Variants in SLC10A7 observed in about 807,000 individuals in gnomAD.
SLC10A7 encodes solute carrier family 10 member 7, also known as sodium/bile acid cotransporter 7.
SLC10A7 carries 29 observed loss-of-function variants against 43.2 expected under a neutral mutation model. The ratio of observed to expected loss-of-function variants is 0.67; its 90% CI spans 0.50 to 0.92. The LOEUF is 0.92. Ranked by LOEUF, SLC10A7 falls within the 40% of genes least tolerant of loss-of-function variation. The pLI is 0.00. For synonymous variants in SLC10A7, 152 were observed against 144.8 expected (o/e 1.05, Z -0.35); for missense variants, 295 against 403.2 (o/e 0.73, Z 2.30).
intron 7 of SLC10A7, 112 bp from the exon 8 acceptor site, chr4:146,294,207 G>T: frequency 2.5e-6 from 2 of 815,686 alleles, no homozygotes; most frequent in Non-Finnish European, 3.6e-6. Flanking sequence ...GAATAATTTG[G>T]CTGATGGCCA....
intron 5 of SLC10A7, chr4:146,442,034 A>C (rs1730641536): frequency 1.0e-6 from 1 of 977,462 alleles, no homozygotes; most frequent in African/African-American, 1.8e-5. Context: ...GCCCCAAAAA[A>C]TACAATATGA....
intron 6 of SLC10A7, among the ~76,000 whole-genome samples, chr4:146,318,359 AT>A (rs1732469133): frequency 1.3e-5 from 2 of 152,050 alleles, no homozygotes; most frequent in African/African-American, 2.4e-5. Context: ...CCAATGGTCA[AT>A]TCTGAAACTT....
At chr4:146,392,454 T>A (rs890801097) in intron 5 of SLC10A7, among the ~76,000 whole-genome samples, 2 of 152,160 alleles carry the variant, frequency 1.3e-5, no homozygotes, top group Non-Finnish European at 2.9e-5. Context: ...TATGTGTGGG[T>A]CTATATATGT....
At chr4:146,342,180 A>T (rs1734311943) in intron 5 of SLC10A7, among the ~76,000 whole-genome samples, 1 of 151,762 alleles carries the variant, frequency 6.6e-6, no homozygotes. Context: ...TATTTCCTGG[A>T]GCTCTTTCCA....
chr4:146,499,164 A>G (rs994988885), intron 4 of SLC10A7, among the ~76,000 whole-genome samples: 1 of 152,228 alleles, frequency 6.6e-6, no homozygotes, highest in Non-Finnish European at 1.5e-5. Context: ...GAAAAAGGTG[A>G]TAACACAAAA....
chr4:146,373,575 A>C (rs2149781921), intron 5 of SLC10A7, among the ~76,000 whole-genome samples: 1 of 152,274 alleles, frequency 6.6e-6, no homozygotes, highest in East Asian at 1.9e-4. Flanking sequence ...GCACCATAGT[A>C]AAAGCTTAGA....
chr4:146,394,135 A>C (rs562560616), intron 5 of SLC10A7, among the ~76,000 whole-genome samples: 1 of 152,268 alleles, frequency 6.6e-6, no homozygotes, highest in African/African-American at 2.4e-5. Flanking sequence ...TTGATATGTA[A>C]GGCCAATATC....
intron 5 of SLC10A7, among the ~76,000 whole-genome samples, chr4:146,431,296 A>C (rs1436045654): frequency 6.6e-6 from 1 of 152,192 alleles, no homozygotes; most frequent in South Asian, 2.1e-4. Context: ...GGGCAAAAAA[A>C]CACAGTGGCG....
At chr4:146,261,603 C>T (rs570893322) in intron 10 of SLC10A7, among the ~76,000 whole-genome samples, 1 of 152,270 alleles carries the variant, frequency 6.6e-6, no homozygotes, top group East Asian at 1.9e-4. Context: ...ATTCCCTTTG[C>T]TTGAAAAAGA....
intron 5 of SLC10A7, among the ~76,000 whole-genome samples, chr4:146,427,256 G>A (rs1394771094): frequency 6.6e-6 from 1 of 152,120 alleles, no homozygotes; most frequent in Non-Finnish European, 1.5e-5. Context: ...GATCACTTGA[G>A]CCAGAGAGGC....
intron 7 of SLC10A7, among the ~76,000 whole-genome samples, chr4:146,300,929 C>T (rs970487950): frequency 1.1e-4 from 17 of 152,106 alleles, no homozygotes; most frequent in African/African-American, 4.1e-4. Flanking sequence ...AAGATAAATT[C>T]AAAATTCTCT....
intron 5 of SLC10A7, among the ~76,000 whole-genome samples, chr4:146,382,650 A>C (rs150330591): frequency 0.011 from 1,701 of 152,284 alleles, 14 homozygotes; most frequent in Non-Finnish European, 0.018. Flanking sequence ...CTCATGATGG[A>C]CTGAGCAGTT....
chr4:146,284,538 T>C (rs567467098), intron 9 of SLC10A7, among the ~76,000 whole-genome samples: 6 of 152,136 alleles, frequency 3.9e-5, no homozygotes, highest in Non-Finnish European at 2.9e-5. Context: ...CTTTGGTCTC[T>C]CTTCTGAAAA....
chr4:146,406,074 C>G (rs945603475), intron 5 of SLC10A7, among the ~76,000 whole-genome samples: 3 of 152,126 alleles, frequency 2.0e-5, no homozygotes, highest in Non-Finnish European at 4.4e-5. Flanking sequence ...AGCTGTACTT[C>G]TCTTAAAGTA....
chr4:146,269,285 G>A (rs1363307687), intron 10 of SLC10A7, among the ~76,000 whole-genome samples: 1 of 152,168 alleles, frequency 6.6e-6, no homozygotes. Context: ...AGAAGATCAG[G>A]TACACCCTCA....
Position 146,294,129 on chromosome 4 carries a change from C to T in SLC10A7, c.556-34G>A, listed in dbSNP as rs749757652. 2.7e-6 allele frequency: 4 copies of T among 1,506,460 alleles called. No homozygotes were observed. The South Asian group carries it at 5.5e-5, about 21-fold the overall frequency. 93.3% of individuals were successfully genotyped at this position (1,506,460 alleles called of 1,614,324 possible). On this transcript the variant is annotated intron_variant, in intron 7 of 11. Coordinates refer to ENST00000335472, the MANE Select transcript of SLC10A7 (RefSeq NM_001029998.6). ...CAGAGATCAACAGGTTGCCTCTTTT[C>T]AGAGATGGAGGGAGTTGAAATGGGC...
chr4:146,314,417 G>A (rs2149692146), intron 6 of SLC10A7, among the ~76,000 whole-genome samples: 1 of 152,280 alleles, frequency 6.6e-6, no homozygotes, highest in East Asian at 1.9e-4. Context: ...ATATGTGTTT[G>A]TGTATACACA....
chr4:146,390,349 C>T (rs1444515509), intron 5 of SLC10A7, among the ~76,000 whole-genome samples: 1 of 152,152 alleles, frequency 6.6e-6, no homozygotes, highest in African/African-American at 2.4e-5. Context: ...GCTATTTAGG[C>T]TGGGTACAGT....
Position 146,465,231 on chromosome 4 carries a change from CT to C in SLC10A7, c.397-22411del, listed in dbSNP as rs1447900134. On this transcript the variant is annotated intron_variant, in intron 4 of 11. Transcript: ENST00000335472. ...TTCAAAACAAGTTTATGAAATTGATCTTTTTCCTCTTCTAAACACATACAAA... is the reference window on the plus strand; with the variant it reads ...TTCAAAACAAGTTTATGAAATTGATCTTTTCCTCTTCTAAACACATACAAA... Among the ~76,000 whole-genome samples the C allele has an allele frequency of 5.9e-5, 9 of 152,208 alleles. No individual in the cohort carries two copies. The East Asian group carries it at 1.3e-3, about 23-fold the overall frequency.
Sources: gnomAD v4.1 joint callset for allele counts (sites outside exome capture counted in the v4.1 genomes callset) on GRCh38, gnomAD v4.1.1 for gene constraint, MANE v1.5 for transcripts, NCBI Gene and HGNC (gene_info 2026-07-23, HGNC 2026-07-21) for gene names.